Variants in DOCK1 observed in about 807,000 individuals in gnomAD.
DOCK1 encodes the protein dedicator of cytokinesis 1, also known as dedicator of cytokinesis protein 1.
A neutral mutation model predicts 262.7 loss-of-function variants in DOCK1; 138 were observed. That is an observed-to-expected ratio of 0.53 (90% CI 0.46 to 0.61). DOCK1 has a LOEUF of 0.61. Among genes scored for constraint, DOCK1 ranks in the 20% least tolerant of loss-of-function variants. DOCK1 has a pLI of 0.00. For synonymous variants in DOCK1, 866 were observed against 867.4 expected (o/e 1.00, Z 0.03); for missense variants, 1,908 against 2,370.7 (o/e 0.80, Z 4.05).
chr10:127,003,319 ATGAACCTGTG>A lies in DOCK1; in HGVS notation c.985+3031_985+3040del, dbSNP rs538405141. On this transcript the variant is annotated intron_variant, in intron 10 of 51. Coordinates refer to ENST00000623213, the MANE Select transcript of DOCK1 (RefSeq NM_001290223.2). ...ACCTGCGTGAACCTGTGTAACCTTTATGAACCTGTGTGAACCTGTGTGAACCTGCATGAAC... is the reference window on the plus strand; with the variant it reads ...ACCTGCGTGAACCTGTGTAACCTTTATGAACCTGTGTGAACCTGCATGAAC... Among the ~76,000 whole-genome samples the A allele has an allele frequency of 1.1e-3, 160 of 149,930 alleles. 1 individual carries two copies. The highest frequency in any genetic ancestry group is 3.5e-3 in the Middle Eastern group (1 of 288).
chr10:127,449,069 C>T (rs2070784386), intron 51 of DOCK1, among the ~76,000 whole-genome samples: 1 of 152,158 alleles, frequency 6.6e-6, no homozygotes, highest in South Asian at 2.1e-4. Context: ...GGCTCCCTCT[C>T]CCTAGAGACG....
chr10:127,434,692 C>G (rs561608404), intron 48 of DOCK1, among the ~76,000 whole-genome samples: 132 of 149,202 alleles, frequency 8.8e-4, no homozygotes, highest in Non-Finnish European at 1.6e-3. Context: ...CTCCCTCTGT[C>G]GCCCAGGCTG....
chr10:127,204,769 T>C (rs1486027501), intron 27 of DOCK1, among the ~76,000 whole-genome samples: 5 of 152,192 alleles, frequency 3.3e-5, no homozygotes, highest in African/African-American at 4.8e-5. Flanking sequence ...TTGAAGAAGA[T>C]CACCTAGGGT....
At chr10:127,093,744 A>G (rs886471954) in intron 23 of DOCK1, among the ~76,000 whole-genome samples, 4 of 151,784 alleles carry the variant, frequency 2.6e-5, no homozygotes, top group Non-Finnish European at 5.9e-5. Flanking sequence ...TTCTGTTTCT[A>G]AGTTCATTTG....
At chr10:126,908,989 G>A (rs12268948) in intron 1 of DOCK1, among the ~76,000 whole-genome samples, 4,518 of 152,238 alleles carry the variant, frequency 0.03, 233 homozygotes, top group African/African-American at 0.1. Flanking sequence ...AAAGGTCCAC[G>A]CCCTAATCCC....
Position 127,384,808 on chromosome 10 carries a change from G to A in DOCK1, c.3826G>A (p.Val1276Met), listed in dbSNP as rs773211951. 8 of 1,597,812 alleles carry A rather than the reference G, an allele frequency of 5.0e-6. No individual in the cohort carries two copies. The highest frequency in any genetic ancestry group is 2.7e-5 in the African/African-American group (2 of 74,058). Residue 1276 changes from valine to methionine, a missense_variant, in exon 38 of 52, where the codon GTG becomes ATG. By Grantham distance (21) the Val-to-Met change is conservative (BLOSUM62 1). This residue lies in a region of DOCK1 where 267 missense variants were observed against 366.3 expected (regional missense o/e 0.73). Transcript: ENST00000623213. ...CCCTTAGTGGTCGGAGGATGTGTGT[G>A]TGGCCCACCTCACCCAGCGGGACGG... ...KLLKWSEDVC[V>M]AHLTQRDGYQ...
At position 126,977,971 on chromosome 10, in the gene DOCK1, C is replaced by T. The variant is rs746815750; in HGVS notation, c.154C>T (p.Arg52Ter). 9 of 1,613,696 alleles carry T rather than the reference C, an allele frequency of 5.6e-6. No homozygotes were observed. The highest frequency in any genetic ancestry group is 1.3e-5 in the African/African-American group (1 of 74,964). Residue 52 changes from arginine to a stop codon, truncating the protein, a stop_gained, in exon 3 of 52, where the codon CGA (arginine) becomes TGA (stop). Coordinates refer to ENST00000623213, the MANE Select transcript of DOCK1 (RefSeq NM_001290223.2). LOFTEE classifies it high-confidence loss of function. Reference protein sequence around the residue: ...YEGWYRGYTLRKKSKKGIFPA... With the variant: ...YEGWYRGYTL Reference sequence around the variant, plus strand: ...AGGGTGGTACCGAGGTTACACGTTACGAAAAAAGTCTAAGAAGGTAAGTCC... The same window carrying T: ...AGGGTGGTACCGAGGTTACACGTTATGAAAAAAGTCTAAGAAGGTAAGTCC...
intron 31 of DOCK1, among the ~76,000 whole-genome samples, chr10:127,350,670 A>G (rs1407742263): frequency 1.3e-5 from 2 of 152,188 alleles, no homozygotes; most frequent in Non-Finnish European, 2.9e-5. Flanking sequence ...TACCATGCTC[A>G]TAGCCCACTG....
In DOCK1 at chr10:127,447,473, T is replaced by A. The variant is rs535574050; in HGVS notation, c.5493T>A (p.Asp1831Glu). Reference protein sequence around the residue: ...PPLPLKGSVADYGNLMENQDL... With the variant: ...PPLPLKGSVAEYGNLMENQDL... The stretch of plus-strand genomic sequence containing the variant: ...TGCCTCTCAAAGGCAGCGTGGCAGA[T>A]TACGGGAATTTGATGGAAAACCAGG... The change falls in exon 51 of 52, where the codon GAT becomes GAA. Residue 1831 changes from aspartate (D) to glutamate (E), a missense_variant. Asp to Glu is a conservative substitution (Grantham distance 45). Coordinates refer to ENST00000623213, the MANE Select transcript of DOCK1 (RefSeq NM_001290223.2). 2 of 1,613,802 alleles carry A rather than the reference T, an allele frequency of 1.2e-6. No homozygotes were observed. The highest frequency in any genetic ancestry group is 4.5e-5 in the East Asian group (2 of 44,854).
intron 29 of DOCK1, among the ~76,000 whole-genome samples, chr10:127,280,685 G>A (rs1332134076): frequency 6.6e-6 from 1 of 152,218 alleles, no homozygotes; most frequent in Admixed American, 6.5e-5. Context: ...GTGCAGGTAA[G>A]TTAAGGGCTT....
intron 5 of DOCK1, 25 bp from the exon 6 acceptor site, chr10:126,990,430 T>A (rs1350206956): frequency 1.9e-6 from 3 of 1,580,150 alleles, no homozygotes; most frequent in Non-Finnish European, 2.6e-6. Context: ...ACAAAATCTT[T>A]CTGATTGGGT....
intron 1 of DOCK1, among the ~76,000 whole-genome samples, chr10:126,963,465 AT>A (rs1267536967): frequency 2.0e-5 from 3 of 152,126 alleles, no homozygotes; most frequent in South Asian, 2.1e-4. Context: ...CTTTAAAAAA[AT>A]ATTAGAGACA....
At chr10:127,137,818 A>G (rs1338162519) in intron 27 of DOCK1, 2 of 1,600,004 alleles carry the variant, frequency 1.3e-6, no homozygotes, top group Non-Finnish European at 1.7e-6. Context: ...CGGCCTCGAG[A>G]CTCCAGACAC....
intron 27 of DOCK1, among the ~76,000 whole-genome samples, chr10:127,246,395 A>G (rs900226168): frequency 2.6e-4 from 40 of 152,230 alleles, no homozygotes; most frequent in African/African-American, 9.4e-4. Flanking sequence ...TATTAAGACG[A>G]TTATCCACGG....
intron 24 of DOCK1, among the ~76,000 whole-genome samples, chr10:127,108,811 A>G (rs775600651): frequency 1.3e-5 from 2 of 152,168 alleles, no homozygotes; most frequent in Non-Finnish European, 2.9e-5. Flanking sequence ...GTATTAGTCC[A>G]TTAATCTTTA....
chr10:127,342,627 T>C (rs1387295453), intron 30 of DOCK1, among the ~76,000 whole-genome samples: 4 of 152,198 alleles, frequency 2.6e-5, no homozygotes, highest in South Asian at 2.1e-4. Flanking sequence ...TCTCAGGTAA[T>C]TAAAAATAGA....
intron 25 of DOCK1, among the ~76,000 whole-genome samples, chr10:127,122,349 G>T (rs1391049912): frequency 9.2e-5 from 14 of 152,188 alleles, no homozygotes; most frequent in Non-Finnish European, 1.9e-4. Context: ...TTGGCCTTTA[G>T]GGAAAGAGCC....
intron 23 of DOCK1, among the ~76,000 whole-genome samples, chr10:127,075,259 C>G (rs1020535685): frequency 2.9e-5 from 4 of 139,166 alleles, no homozygotes; most frequent in Non-Finnish European, 6.1e-5. Flanking sequence ...GTTTTTCTTT[C>G]ATTGATTGAT....
chr10:127,042,856 G>A (rs2044110094), intron 20 of DOCK1, 142 bp downstream of exon 20: 2 of 948,752 alleles, frequency 2.1e-6, no homozygotes, highest in Non-Finnish European at 3.1e-6. Context: ...GAATTGGGGT[G>A]GCAGATTTTT....
Sources: allele counts gnomAD v4.1 joint callset (sites outside exome capture counted in the v4.1 genomes callset), GRCh38; gene constraint gnomAD v4.1.1; regional missense constraint gnomAD v4.1.1; transcripts MANE v1.5; gene names NCBI Gene and HGNC (gene_info 2026-07-23, HGNC 2026-07-21).